ADGRL3: variants seen among roughly 807,000 people sequenced by gnomAD.
The protein encoded by ADGRL3 is adhesion G protein-coupled receptor L3.
Under a neutral mutation model 153.5 loss-of-function variants are expected in ADGRL3, and 62 were observed. The observed-to-expected ratio is 0.40, with a 90% CI of 0.33 to 0.50. The LOEUF is 0.50. Ranked by LOEUF, ADGRL3 falls within the 20% of genes least tolerant of loss-of-function variation. ADGRL3 has a pLI of 0.47. For synonymous variants in ADGRL3, 710 were observed against 672.5 expected, an observed-to-expected ratio of 1.06 and a Z score of -0.86; for missense variants, 1,641 against 1,859.4, an observed-to-expected ratio of 0.88 and a Z score of 2.16.
At chr4:61,857,023 C>CT (rs2098281473) in intron 9 of ADGRL3, among the ~76,000 whole-genome samples, 3 of 113,492 alleles carry the variant, frequency 2.6e-5, no homozygotes, top group African/African-American at 6.2e-5. Flanking sequence ...TTTCCTTCCT[C>CT]CCTTCCTTCC....
intron 5 of ADGRL3, among the ~76,000 whole-genome samples, chr4:61,608,085 A>AAGT (rs1482577432): frequency 2.0e-5 from 3 of 152,242 alleles, no homozygotes; most frequent in Non-Finnish European, 2.9e-5. Flanking sequence ...CTGTCTTAGG[A>AAGT]AGTAGGTGGT....
intron 17 of ADGRL3, among the ~76,000 whole-genome samples, chr4:61,967,285 A>G (rs1291001866): frequency 1.3e-5 from 2 of 152,124 alleles, no homozygotes; most frequent in Non-Finnish European, 2.9e-5. Context: ...TAAAAGGTAG[A>G]TACAATGTAG....
At chr4:61,767,537 C>T (rs987545494) in intron 8 of ADGRL3, among the ~76,000 whole-genome samples, 33 of 152,048 alleles carry the variant, frequency 2.2e-4, no homozygotes, top group Admixed American at 6.5e-4. Context: ...AGGGGGCTTC[C>T]GAGGCAATCG....
chr4:61,909,679 C>T lies in ADGRL3; in HGVS notation c.2007C>T (p.Leu669=). The part of the protein sequence containing the change: ...SVRAMDQLVG[L]LDVQLRNLTP... The stretch of plus-strand genomic sequence containing the variant: ...GGGCCATGGACCAGCTGGTAGGCCT[C>T]CTAGATGTACAGCTTCGGAACTTGA... The change falls in exon 12 of 27, where the codon CTC becomes CTT. Residue 669 remains leucine, a synonymous_variant. Transcript: ENST00000683033. The T allele has an allele frequency of 3.1e-6, 5 of 1,603,784 alleles. No homozygotes were observed. Among genetic ancestry groups the T allele is most frequent in the Non-Finnish European group, 3.4e-6 (4 of 1,174,998 alleles).
chr4:61,482,361 A>G (rs897144607), intron 2 of ADGRL3, among the ~76,000 whole-genome samples: 1 of 152,198 alleles, frequency 6.6e-6, no homozygotes, highest in African/African-American at 2.4e-5. Flanking sequence ...ATTTTTAATA[A>G]TCTGCCAGCT....
chr4:61,439,350 C>T (rs756187760), intron 2 of ADGRL3, among the ~76,000 whole-genome samples: 45 of 152,118 alleles, frequency 3.0e-4, no homozygotes, highest in Non-Finnish European at 5.3e-4. Flanking sequence ...CTTATTCTTC[C>T]ATCAAGATAT....
intron 21 of ADGRL3, among the ~76,000 whole-genome samples, chr4:62,010,963 T>C (rs1000473531): frequency 6.6e-5 from 10 of 152,172 alleles, no homozygotes; most frequent in African/African-American, 2.4e-4. Flanking sequence ...TTTAATGATA[T>C]TTAGTTTCAA....
intron 2 of ADGRL3, among the ~76,000 whole-genome samples, chr4:61,434,245 TA>T (rs756404792): frequency 6.6e-6 from 1 of 152,118 alleles, no homozygotes; most frequent in Non-Finnish European, 1.5e-5. Context: ...TAAATGATAC[TA>T]TGATAATGAG....
At chr4:61,992,573 C>G (rs549308247) in intron 19 of ADGRL3, among the ~76,000 whole-genome samples, 2 of 152,258 alleles carry the variant, frequency 1.3e-5, no homozygotes, top group Non-Finnish European at 2.9e-5. Flanking sequence ...GGGATTCTTG[C>G]CACACAGCCT....
intron 2 of ADGRL3, among the ~76,000 whole-genome samples, chr4:61,435,369 A>G (rs2097431532): frequency 6.6e-6 from 1 of 152,114 alleles, no homozygotes; most frequent in Non-Finnish European, 1.5e-5. Flanking sequence ...CAGCAAATGT[A>G]GATAGTAAAA....
At chr4:61,303,248 A>G (rs1371869278) in intron 1 of ADGRL3, among the ~76,000 whole-genome samples, 1 of 152,168 alleles carries the variant, frequency 6.6e-6, no homozygotes, top group Non-Finnish European at 1.5e-5. Context: ...AGTTTTAGCC[A>G]TTACCAGCTG....
chr4:61,653,499 G>C (rs56868283), intron 5 of ADGRL3, among the ~76,000 whole-genome samples: 5 of 152,140 alleles, frequency 3.3e-5, no homozygotes, highest in African/African-American at 1.2e-4. Flanking sequence ...AAATGCCTTA[G>C]AGAGAAGGAA....
At chr4:61,344,226 T>C (rs2095857321) in intron 1 of ADGRL3, among the ~76,000 whole-genome samples, 1 of 152,232 alleles carries the variant, frequency 6.6e-6, no homozygotes, top group African/African-American at 2.4e-5. Context: ...CTTTAAGACC[T>C]TCCTTCAAAG....
chr4:62,032,840 T>C (rs1157279935), intron 23 of ADGRL3, among the ~76,000 whole-genome samples: 1 of 150,928 alleles, frequency 6.6e-6, no homozygotes, highest in Non-Finnish European at 1.5e-5. Context: ...CAGAATAGAG[T>C]AGTAAAGATG....
intron 2 of ADGRL3, 56 bp from the exon 3 acceptor site, chr4:61,497,065 T>G: frequency 2.0e-6 from 1 of 506,894 alleles, no homozygotes. Flanking sequence ...ATAAATAATG[T>G]CTTTGGATTA....
At chr4:61,607,511 A>G (rs1215067066) in intron 5 of ADGRL3, among the ~76,000 whole-genome samples, 1 of 152,152 alleles carries the variant, frequency 6.6e-6, no homozygotes, top group Non-Finnish European at 1.5e-5. Context: ...GAAGCAGAAG[A>G]ATCACTTGAA....
intron 5 of ADGRL3, among the ~76,000 whole-genome samples, chr4:61,594,421 C>A (rs1234570893): frequency 6.6e-6 from 1 of 152,098 alleles, no homozygotes. Context: ...TCTTTACAGT[C>A]TGGGCTTGTT....
intron 5 of ADGRL3, among the ~76,000 whole-genome samples, chr4:61,611,284 C>T (rs2091310558): frequency 6.6e-6 from 1 of 152,096 alleles, no homozygotes; most frequent in Non-Finnish European, 1.5e-5. Flanking sequence ...AGAAAGATCA[C>T]CATTGCTTCC....
chr4:61,882,695 T>A (rs769297182), intron 9 of ADGRL3, among the ~76,000 whole-genome samples: 2 of 152,188 alleles, frequency 1.3e-5, no homozygotes, highest in Non-Finnish European at 2.9e-5. Context: ...CCTCACTGTG[T>A]CTAGACCTTT....
Sources: gnomAD v4.1 joint callset for allele counts (sites outside exome capture counted in the v4.1 genomes callset) on GRCh38, gnomAD v4.1.1 for gene constraint, MANE v1.5 for transcripts, NCBI Gene and HGNC (gene_info 2026-07-23, HGNC 2026-07-21) for gene names.